The following DNAH2 variants were observed in gnomAD, a reference collection of about 807,000 sequenced individuals.
DNAH2 encodes the protein dynein axonemal heavy chain 2, also known as axonemal beta dynein heavy chain 2.
In DNAH2, 323 loss-of-function variants were observed where a neutral mutation model predicts 523.5. That is an observed-to-expected ratio of 0.62 (90% CI 0.56 to 0.68). The LOEUF is 0.68. Among genes scored for constraint, DNAH2 ranks in the 30% least tolerant of loss-of-function variants. The probability of loss-of-function intolerance (pLI) is 0.00; values close to 1 mark genes in which losing one functional copy is unlikely to be tolerated. For missense variants in DNAH2, 4,907 were observed against 5,701.5 expected (o/e 0.86, Z 4.49); for synonymous variants, 2,093 against 2,177.4 (o/e 0.96, Z 1.08).
intron 77 of DNAH2, among the ~76,000 whole-genome samples, chr17:7,825,930 T>C (rs1055926993): frequency 2.0e-5 from 3 of 152,324 alleles, no homozygotes; most frequent in East Asian, 1.9e-4. Context: ...CCAGGCATGG[T>C]GGCTCAGGCC....
At position 7,775,988 on chromosome 17, in the gene DNAH2, C is replaced by G. The variant is rs769753924; in HGVS notation, c.4822-36C>G. 2.5e-6 allele frequency: 4 copies of G among 1,610,790 alleles called. No individual in the cohort carries two copies. In the South Asian group the frequency reaches 4.4e-5, roughly 18 times the overall value. ...GTGGAGGACCTTGGCCGTGCCCCCT[C>G]AGGCTGAGCTGCCCTATTCTCCCAC... On this transcript the variant is annotated intron_variant, in intron 30 of 85. Coordinates refer to ENST00000572933, the MANE Select transcript of DNAH2 (RefSeq NM_020877.5).
At position 7,831,221 on chromosome 17, in the gene DNAH2, G is replaced by C; in HGVS notation, c.12366G>C (p.Gln4122His). 6.2e-7 allele frequency: 1 copy of C among 1,614,206 alleles called. No homozygotes were observed. The highest frequency in any genetic ancestry group is 1.1e-5 in the South Asian group (1 of 91,086). ...GQHPNADVAS[Q>H]ITEAQTLFDT... ...ACCCCAATGCTGATGTGGCCTCTCA[G>C]ATCACTGAGGCACAAACCCTCTTTG... Residue 4122 changes from glutamine to histidine, a missense_variant, in exon 80 of 86, where the codon CAG (glutamine) becomes CAC (histidine). Physicochemically the swap from Gln to His is conservative, Grantham distance 24. Transcript: ENST00000572933. This position sits in a 1 kb window ranked among gnomAD's most constrained non-coding sequence, Gnocchi z 4.2.
At chr17:7,797,626 G>T (rs376865113) in intron 52 of DNAH2, 54 bp from the exon 53 acceptor site, 31 of 1,613,502 alleles carry the variant, frequency 1.9e-5, no homozygotes, top group Middle Eastern at 1.7e-4. Context: ...GGAGCCCTGT[G>T]GGGGGAGGCA....
At chr17:7,762,492 C>T (rs1356476687) in intron 18 of DNAH2, among the ~76,000 whole-genome samples, 3 of 151,994 alleles carry the variant, frequency 2.0e-5, no homozygotes, top group Non-Finnish European at 4.4e-5. Context: ...CCCGCCACCA[C>T]GCCCAGCTAA....
chr17:7,789,424 G>A (rs149530613), intron 44 of DNAH2, among the ~76,000 whole-genome samples: 10 of 152,264 alleles, frequency 6.6e-5, no homozygotes, highest in African/African-American at 2.2e-4. Flanking sequence ...GCGCTTCAGC[G>A]TGGCAGAGAC....
At chr17:7,789,609 C>T (rs1392665494) in intron 44 of DNAH2, among the ~76,000 whole-genome samples, 1 of 147,994 alleles carries the variant, frequency 6.8e-6, no homozygotes, top group Non-Finnish European at 1.5e-5. Context: ...TGGAGTCTCA[C>T]TCCTTTGCCC....
At chr17:7,729,357 G>A (rs2074918246) in intron 4 of DNAH2, among the ~76,000 whole-genome samples, 1 of 151,108 alleles carries the variant, frequency 6.6e-6, no homozygotes, top group Non-Finnish European at 1.5e-5. Context: ...TCAATCCTGG[G>A]CAACATAGCA....
At chr17:7,781,275 G>A in intron 39 of DNAH2, 108 bp downstream of exon 39, 1 of 1,291,402 alleles carries the variant, frequency 7.7e-7, no homozygotes, top group Non-Finnish European at 1.1e-6. Flanking sequence ...AGGAGTTTGA[G>A]ACTAGCCTGG....
rs148119230 is a variant in DNAH2, at chr17:7,786,173, C to T, written c.6179C>T (p.Thr2060Met). The T allele has an allele frequency of 7.4e-6, 12 of 1,613,846 alleles. No individual in the cohort carries two copies. Among genetic ancestry groups the T allele is most frequent in the African/African-American group, 4.0e-5 (3 of 74,842 alleles). Reference protein sequence around the residue: ...QEIRDMGLQSTPFTLTKVFQL... With the variant: ...QEIRDMGLQSMPFTLTKVFQL... ...ATTCGAGACATGGGCCTGCAAAGCA[C>T]GCCGTTCACCCTCACCAAGGTTTTC... The change falls in exon 40 of 86, where the codon ACG becomes ATG. Residue 2060 changes from threonine (T) to methionine (M), a missense_variant. Coordinates refer to ENST00000572933, the MANE Select transcript of DNAH2 (RefSeq NM_020877.5). The surrounding 1 kb of genome is among the most constrained non-coding windows in gnomAD (Gnocchi z 7.5).
chr17:7,804,502 C>T (rs777703625), intron 59 of DNAH2, 36 bp downstream of exon 59: 10 of 1,605,082 alleles, frequency 6.2e-6, no homozygotes, highest in African/African-American at 2.7e-5. Flanking sequence ...TGCCCCACTC[C>T]CACCAGTGCC....
rs906252288 is a variant in DNAH2 at position 7,754,117 on chromosome 17, C to T, written c.1905-2974C>T. Among the ~76,000 whole-genome samples, 7 of 151,880 alleles carry T rather than the reference C, an allele frequency of 4.6e-5. No homozygotes were observed. Among genetic ancestry groups the T allele is most frequent in the Non-Finnish European group, 5.9e-5 (4 of 68,002 alleles). ...GGAGGGAATGGGAAGAAAAGAGTGA[C>T]GGGGATCTGTGGACGACATTCTTTA... On this transcript the variant is annotated intron_variant, in intron 12 of 85. Transcript: ENST00000572933. This position sits in a 1 kb window ranked among gnomAD's most constrained non-coding sequence, Gnocchi z 4.6.
In DNAH2 at chr17:7,768,010, C is replaced by G; in HGVS notation, c.3786C>G (p.Thr1262=). Residue 1262 remains threonine (T), a synonymous_variant, in exon 23 of 86, where the codon ACC becomes ACG. Transcript: ENST00000572933. ...TCCTGCAGACGGAAACCATGGAGAC[C>G]ACGGCCCACGGGCTGTTTCGTCGCC... ...FLILQTETME[T]TAHGLFRRLT... is the part of the protein sequence containing the mutation. 1 of 1,614,088 alleles carries G rather than the reference C, an allele frequency of 6.2e-7. No individual in the cohort carries two copies. Among genetic ancestry groups the G allele is most frequent in the South Asian group, 1.1e-5 (1 of 91,082 alleles).
chr17:7,755,776 C>T (rs2151187913), intron 12 of DNAH2, among the ~76,000 whole-genome samples: 1 of 150,892 alleles, frequency 6.6e-6, no homozygotes, highest in African/African-American at 2.4e-5. Flanking sequence ...AAGATGAAGG[C>T]TTCATATGCA....
Position 7,764,107 on chromosome 17 carries a change from C to T in DNAH2, c.3180-10C>T. 6.2e-7 allele frequency: 1 copy of T among 1,614,212 alleles called. No individual in the cohort carries two copies. Among genetic ancestry groups the T allele is most frequent in the Non-Finnish European group, 8.5e-7 (1 of 1,180,034 alleles). On this transcript the variant is annotated splice_polypyrimidine_tract_variant and intron_variant, in intron 19 of 85. Transcript: ENST00000572933. The stretch of plus-strand genomic sequence containing the variant: ...TTCCACTCACTAGCACTCCCTTTGC[C>T]CGCCTTCAGAATCAGCCGCCCTCCG...
rs188135183 is a variant in DNAH2 at position 7,741,397 on chromosome 17, G to A, written c.1689+405G>A. On this transcript the variant is annotated intron_variant, in intron 11 of 85. Coordinates refer to ENST00000572933, the MANE Select transcript of DNAH2 (RefSeq NM_020877.5). ...TTTTGAGACGGAGTCTCACACTGTC[G>A]CCCAGGCTGGAGTGCAATGGCTCGA... Among the ~76,000 whole-genome samples, 557 of 143,760 alleles carry A rather than the reference G, an allele frequency of 3.9e-3. 2 individuals carry two copies. The East Asian group carries it at 0.039, about 10-fold the overall frequency. 94.3% of individuals were successfully genotyped at this position (143,760 alleles called of 152,430 possible).
chr17:7,734,254 A>T lies in DNAH2; in HGVS notation c.700A>T (p.Met234Leu). 6.2e-7 allele frequency: 1 copy of T among 1,607,572 alleles called. No individual in the cohort carries two copies. Among genetic ancestry groups the T allele is most frequent in the Non-Finnish European group, 8.5e-7 (1 of 1,176,890 alleles). Residue 234 changes from methionine (M) to leucine (L), a missense_variant, in exon 6 of 86, where the codon ATG (methionine) becomes TTG (leucine). Physicochemically the swap from Met to Leu is conservative, Grantham distance 15 (BLOSUM62 2). Transcript: ENST00000572933. ...AGAGGCCATGAACATGAAGCCTGAG[A>T]TGGTGATAAAGGACAAAGAGCTGGT... Reference protein sequence around the residue: ...PAEAMNMKPEMVIKDKELVQR... With the variant: ...PAEAMNMKPELVIKDKELVQR...
chr17:7,779,176 G>A (rs916849306), intron 35 of DNAH2, 67 bp from the exon 36 acceptor site: 70 of 1,576,782 alleles, frequency 4.4e-5, no homozygotes, highest in Non-Finnish European at 5.6e-5. Context: ...GGAAGGGTGC[G>A]TTAATCACGC....
At position 7,760,015 on chromosome 17, in the gene DNAH2, A is replaced by C; in HGVS notation, c.2785+77A>C. The C allele has an allele frequency of 6.2e-7, 1 of 1,600,826 alleles. No homozygotes were observed. Among genetic ancestry groups the C allele is most frequent in the African/African-American group, 1.3e-5 (1 of 74,850 alleles). ...GTGGGCCAGGCCAGGAGGAGAGACCAGGGCTATTTCCAGGCATACTGGGCC... is the reference window on the plus strand; with the variant it reads ...GTGGGCCAGGCCAGGAGGAGAGACCCGGGCTATTTCCAGGCATACTGGGCC... On this transcript the variant is annotated intron_variant, in intron 17 of 85. Coordinates refer to ENST00000572933, the MANE Select transcript of DNAH2 (RefSeq NM_020877.5). This position sits in a 1 kb window ranked among gnomAD's most constrained non-coding sequence, Gnocchi z 4.0.
intron 49 of DNAH2, among the ~76,000 whole-genome samples, chr17:7,794,709 C>T (rs1033562381): frequency 1.3e-5 from 2 of 151,874 alleles, no homozygotes; most frequent in African/African-American, 2.4e-5. Context: ...AAGGGGGCAC[C>T]CAAAAGACTC....
Sources: gnomAD v4.1 joint callset for allele counts (sites outside exome capture counted in the v4.1 genomes callset) on GRCh38, gnomAD v4.1.1 for gene constraint, Gnocchi (gnomAD v3.1) non-coding constraint, MANE v1.5 for transcripts, NCBI Gene and HGNC (gene_info 2026-07-23, HGNC 2026-07-21) for gene names.